The following OR56A3 variants were observed in gnomAD, a reference collection of about 807,000 sequenced individuals.
The protein encoded by OR56A3 is olfactory receptor family 56 subfamily A member 3.
Under a neutral mutation model 17.5 loss-of-function variants are expected in OR56A3, and 23 were observed. The observed-to-expected ratio is 1.32, with a 90% confidence interval of 0.95 to 1.87. The LOEUF (loss-of-function observed/expected upper bound fraction) is 1.87, where lower values mean the gene tolerates loss of function less well. Among genes scored for constraint, OR56A3 ranks in the 40% most tolerant of loss-of-function variants. OR56A3 has a pLI of 0.00. For missense variants in OR56A3, 366 were observed against 380.1 expected (o/e 0.96, Z 0.31); for synonymous variants, 175 against 150.6 (o/e 1.16, Z -1.19).
chr11:6,010,817 ATGTGTGTGTGTGTG>A, the OR56A3 span, among the ~76,000 whole-genome samples: 52 of 149,758 alleles, frequency 3.5e-4, no homozygotes, highest in Middle Eastern at 0.017. Flanking sequence ...CAAGACAGAA[ATGTGTGTGTGTGTG>A]TGTGTGTGTG....
rs538834349 is a variant in OR56A3, at chr11:5,947,510, T to C, written c.164T>C (p.Leu55Pro). The C allele has an allele frequency of 1.9e-6, 3 of 1,614,014 alleles. No homozygotes were observed. Among genetic ancestry groups the C allele is most frequent in the South Asian group, 2.2e-5 (2 of 91,078 alleles). Residue 55 changes from leucine to proline, a missense_variant, in exon 3 of 3, where the codon CTG (leucine) becomes CCG (proline). Leu to Pro is a moderately conservative substitution (Grantham distance 98, BLOSUM62 -3). Coordinates refer to ENST00000641160, the MANE Select transcript of OR56A3 (RefSeq NM_001003443.3). ...ANTTLLMTIW[L>P]EASLHQPLYY... ...ACCACCCTCCTGATGACCATCTGGC[T>C]GGAGGCCTCTCTGCACCAGCCCCTG...
At chr11:5,965,592 C>A in the OR56A3 span, among the ~76,000 whole-genome samples, 4 of 152,054 alleles carry the variant, frequency 2.6e-5, no homozygotes. Flanking sequence ...AAGATGTGCA[C>A]ACATAATATT....
At chr11:5,952,592 G>A (rs1847913815), downstream of OR56A3, among the ~76,000 whole-genome samples, 2 of 152,066 alleles carry the variant, frequency 1.3e-5, no homozygotes, top group Non-Finnish European at 2.9e-5. Flanking sequence ...GGGGGTTGTA[G>A]TAAATAGGTA....
chr11:5,992,566 G>A, the OR56A3 span, among the ~76,000 whole-genome samples: 275 of 152,254 alleles, frequency 1.8e-3, 1 homozygote, highest in African/African-American at 6.0e-3. Context: ...AAAGACAAAT[G>A]CTGCCTGCCT....
At chr11:6,018,413 A>C in the OR56A3 span, among the ~76,000 whole-genome samples, 137 of 152,254 alleles carry the variant, frequency 9.0e-4, no homozygotes, top group Non-Finnish European at 1.5e-3. Flanking sequence ...AAACTGTACA[A>C]ATAAATGGAA....
the OR56A3 span, among the ~76,000 whole-genome samples, chr11:5,978,022 G>A: frequency 6.6e-6 from 1 of 152,282 alleles, no homozygotes; most frequent in South Asian, 2.1e-4. Context: ...TTGCAGGTAT[G>A]CAGCATTATT....
At chr11:6,008,722 A>G in the OR56A3 span, among the ~76,000 whole-genome samples, 8 of 152,136 alleles carry the variant, frequency 5.3e-5, no homozygotes, top group African/African-American at 1.9e-4. Flanking sequence ...TCTTGACTCT[A>G]TAATTTACTA....
chr11:6,020,256 C>T, the OR56A3 span: 2 of 151,976 alleles, frequency 1.3e-5, no homozygotes, highest in African/African-American at 2.4e-5. Context: ...TTTGAACAGT[C>T]CTAAACTAGG....
chr11:5,989,162 C>T, the OR56A3 span, among the ~76,000 whole-genome samples: 1 of 152,364 alleles, frequency 6.6e-6, no homozygotes, highest in East Asian at 1.9e-4. Flanking sequence ...CCAGGGGAAT[C>T]TCATAATCTT....
the OR56A3 span, among the ~76,000 whole-genome samples, chr11:6,011,096 A>G: frequency 3.3e-3 from 507 of 152,214 alleles, 4 homozygotes; most frequent in African/African-American, 0.011. Flanking sequence ...TATCACAGCC[A>G]TAAATACAAT....
At chr11:5,966,207 CAA>C in the OR56A3 span, among the ~76,000 whole-genome samples, 523 of 63,952 alleles carry the variant, frequency 8.2e-3, 1 homozygote, top group African/African-American at 0.028. Context: ...CCCGTCTCTA[CAA>C]AAAAAAAAAA....
At chr11:5,970,963 G>A in the OR56A3 span, among the ~76,000 whole-genome samples, 2 of 152,190 alleles carry the variant, frequency 1.3e-5, no homozygotes, top group Non-Finnish European at 2.9e-5. Context: ...AAATAAAAAA[G>A]GAAAATATTA....
chr11:5,980,847 G>A, the OR56A3 span, among the ~76,000 whole-genome samples: 1 of 152,062 alleles, frequency 6.6e-6, no homozygotes, highest in African/African-American at 2.4e-5. Flanking sequence ...CACTTCTAAG[G>A]CAGGTCTACT....
chr11:5,978,981 T>C, the OR56A3 span, among the ~76,000 whole-genome samples: 2 of 152,218 alleles, frequency 1.3e-5, no homozygotes, highest in Admixed American at 1.3e-4. Context: ...TTACATGGTT[T>C]TGTTTTTAGT....
chr11:5,998,999 A>G, the OR56A3 span, among the ~76,000 whole-genome samples: 1 of 152,212 alleles, frequency 6.6e-6, no homozygotes, highest in Non-Finnish European at 1.5e-5. Flanking sequence ...TATTATAGCC[A>G]CATATCTTCA....
the OR56A3 span, among the ~76,000 whole-genome samples, chr11:5,983,466 TAA>T: frequency 1.0e-4 from 14 of 138,596 alleles, no homozygotes; most frequent in South Asian, 4.6e-4. Context: ...GCACACATAC[TAA>T]AAAAAAAAAA....
At position 5,950,968 on chromosome 11, in the gene OR56A3, T is replaced by G. The variant is rs931254255; in HGVS notation, c.*2674T>G. On this transcript the variant is annotated 3_prime_UTR_variant, in exon 3 of 3. Transcript: ENST00000641160. Reference sequence around the variant, plus strand: ...ATCTTATAATACAGTTATATTTATATTATTTTGTTTTGGCTATAATTTTTC... The same window carrying G: ...ATCTTATAATACAGTTATATTTATAGTATTTTGTTTTGGCTATAATTTTTC... 6.6e-6 allele frequency: 1 copy of G among 152,150 alleles called. No homozygotes were observed. The highest frequency in any genetic ancestry group is 1.5e-5 in the Non-Finnish European group (1 of 67,986). The allele number at this position is 152,150 out of a possible 1,614,324, so 9.4% of individuals were successfully genotyped here.
At chr11:5,969,887 C>T in the OR56A3 span, among the ~76,000 whole-genome samples, 3 of 151,696 alleles carry the variant, frequency 2.0e-5, no homozygotes, top group Admixed American at 6.6e-5. Flanking sequence ...GAAAAATGGG[C>T]ATATTTTAGA....
At chr11:5,953,745 A>G (rs1037748180), downstream of OR56A3, among the ~76,000 whole-genome samples, 2 of 152,132 alleles carry the variant, frequency 1.3e-5, no homozygotes, top group Non-Finnish European at 2.9e-5. Flanking sequence ...CATTAACTCT[A>G]TTTTGTATTT....
Sources: gnomAD v4.1 joint callset for allele counts (sites outside exome capture counted in the v4.1 genomes callset) on GRCh38, gnomAD v4.1.1 for gene constraint, MANE v1.5 for transcripts, NCBI Gene and HGNC (gene_info 2026-07-23, HGNC 2026-07-21) for gene names.